KCNQ1: variants seen among roughly 807,000 people sequenced by gnomAD.
KCNQ1 encodes the protein potassium voltage-gated channel subfamily Q member 1.
KCNQ1 carries 49 observed loss-of-function variants against 72.4 expected under a neutral mutation model. The ratio of observed to expected loss-of-function variants is 0.68; its 90% confidence interval spans 0.54 to 0.86. The LOEUF is 0.86. KCNQ1 is among the 40% of genes least tolerant of loss of function. The probability of loss-of-function intolerance (pLI) is 0.00; values close to 1 mark genes in which losing one functional copy is unlikely to be tolerated. For missense variants in KCNQ1, 790 were observed against 945.1 expected, an observed-to-expected ratio of 0.84 and a Z score of 2.15; for synonymous variants, 450 against 412.6, an observed-to-expected ratio of 1.09 and a Z score of -1.10.
At chr11:2,614,391 C>T (rs886341919) in intron 10 of KCNQ1, 3 of 398,500 alleles carry the variant, frequency 7.5e-6, no homozygotes, top group Non-Finnish European at 1.3e-5. Context: ...TCAAAATGTA[C>T]AATTCAGTGT....
Position 2,488,726 on chromosome 11 carries a change from T to C in KCNQ1, c.387-39202T>C, listed in dbSNP as rs1325922679. Among the ~76,000 whole-genome samples, 2 of 152,240 alleles carry C rather than the reference T, an allele frequency of 1.3e-5. No individual in the cohort carries two copies. The highest frequency in any genetic ancestry group is 2.9e-5 in the Non-Finnish European group (2 of 68,038). On this transcript the variant is annotated intron_variant, in intron 1 of 15. Coordinates refer to ENST00000155840, the MANE Select transcript of KCNQ1 (RefSeq NM_000218.3). The surrounding 1 kb of genome is among the most constrained non-coding windows in gnomAD (Gnocchi z 5.1). The stretch of plus-strand genomic sequence containing the variant: ...CTATTTTCACTTCTGATTTCAGTAG[T>C]CTTCTCTCTTTTTTACTTAGTCCAT...
At chr11:2,831,895 C>A (rs997511262) in intron 15 of KCNQ1, among the ~76,000 whole-genome samples, 2 of 152,100 alleles carry the variant, frequency 1.3e-5, no homozygotes, top group South Asian at 2.1e-4. Context: ...CCTGACTCAG[C>A]CCCTGGCACA....
At chr11:2,585,845 C>T (rs1419804017) in intron 8 of KCNQ1, among the ~76,000 whole-genome samples, 1 of 152,202 alleles carries the variant, frequency 6.6e-6, no homozygotes, top group Non-Finnish European at 1.5e-5. Context: ...CCTGGAGCAA[C>T]AGGGGCAGGA....
chr11:2,680,813 C>T (rs1351751906), intron 11 of KCNQ1: 1 of 393,050 alleles, frequency 2.5e-6, no homozygotes, highest in Non-Finnish European at 4.5e-6. Flanking sequence ...AATGGAACCA[C>T]ATAGCAAATC....
At chr11:2,535,518 A>T (rs975349436) in intron 2 of KCNQ1, among the ~76,000 whole-genome samples, 2 of 152,300 alleles carry the variant, frequency 1.3e-5, no homozygotes, top group East Asian at 3.9e-4. Flanking sequence ...ACCACCGGAT[A>T]CAAGTCCCTC....
chr11:2,832,753 A>G (rs2134070630), intron 15 of KCNQ1, among the ~76,000 whole-genome samples: 1 of 152,314 alleles, frequency 6.6e-6, no homozygotes, highest in South Asian at 2.1e-4. Context: ...GTGAAAGGCA[A>G]GGCTGGGGCT....
At chr11:2,589,549 G>T (rs1471989745) in intron 10 of KCNQ1, among the ~76,000 whole-genome samples, 2 of 152,160 alleles carry the variant, frequency 1.3e-5, no homozygotes, top group Admixed American at 1.3e-4. Flanking sequence ...AGGCCCTAGA[G>T]GCTGGGCTCG....
chr11:2,846,503 G>C (rs893387700), intron 15 of KCNQ1, among the ~76,000 whole-genome samples: 1 of 152,190 alleles, frequency 6.6e-6, no homozygotes, highest in South Asian at 2.1e-4. Context: ...CACCAACAGA[G>C]CTGTGCGCCC....
At chr11:2,584,878 G>A (rs1289571529) in intron 7 of KCNQ1, among the ~76,000 whole-genome samples, 5 of 152,128 alleles carry the variant, frequency 3.3e-5, no homozygotes, top group Admixed American at 1.3e-4. Flanking sequence ...TCTCACTTGC[G>A]ACCCCAATCC....
At chr11:2,656,513 T>C in intron 10 of KCNQ1, 1 of 398,718 alleles carries the variant, frequency 2.5e-6, no homozygotes, top group East Asian at 3.6e-5. Context: ...TGAGTTTATT[T>C]ACATTTCCCT....
rs375440491 is a variant in KCNQ1 at position 2,574,369 on chromosome 11, T to C, written c.921+1383T>C. On this transcript the variant is annotated intron_variant, in intron 6 of 15. Coordinates refer to ENST00000155840, the MANE Select transcript of KCNQ1 (RefSeq NM_000218.3). Reference sequence around the variant, plus strand: ...TCACTCAGTCCGATAACAGGTTAGATGGAATCGTGGTAGCAACAGGGGCTG... The same window carrying C: ...TCACTCAGTCCGATAACAGGTTAGACGGAATCGTGGTAGCAACAGGGGCTG... Among the ~76,000 whole-genome samples, 17 of 145,882 alleles carry C rather than the reference T, an allele frequency of 1.2e-4. No homozygotes were observed. In the East Asian group the frequency reaches 3.5e-3, roughly 30 times the overall value.
Position 2,550,170 on chromosome 11 carries a change from G to A in KCNQ1, c.478-20458G>A, listed in dbSNP as rs1402405033. Among the ~76,000 whole-genome samples, 3 of 152,338 alleles carry A rather than the reference G, an allele frequency of 2.0e-5. No homozygotes were observed. Among genetic ancestry groups the A allele is most frequent in the African/African-American group, 2.4e-5 (1 of 41,584 alleles). On this transcript the variant is annotated intron_variant, in intron 2 of 15. Coordinates refer to ENST00000155840, the MANE Select transcript of KCNQ1 (RefSeq NM_000218.3). The surrounding 1 kb of genome is among the most constrained non-coding windows in gnomAD (Gnocchi z 6.0). Reference sequence around the variant, plus strand: ...GAGCCCCGGCCTGGATGGACATCCCGCAGGCAGTGCACGTCCCTCCCCCGC... The same window carrying A: ...GAGCCCCGGCCTGGATGGACATCCCACAGGCAGTGCACGTCCCTCCCCCGC...
At chr11:2,660,672 G>C in intron 10 of KCNQ1, 1 of 398,606 alleles carries the variant, frequency 2.5e-6, no homozygotes, top group Non-Finnish European at 4.4e-6. Context: ...TTTCATCCAT[G>C]CTTGATAGTC....
chr11:2,558,704 A>G (rs1330665765), intron 2 of KCNQ1, among the ~76,000 whole-genome samples: 4 of 151,972 alleles, frequency 2.6e-5, no homozygotes, highest in Non-Finnish European at 5.9e-5. Context: ...ACCGCCTGAA[A>G]CGTGTGTAAC....
chr11:2,672,071 T>A (rs1850193428), intron 11 of KCNQ1: 1 of 398,592 alleles, frequency 2.5e-6, no homozygotes. Context: ...CCCTGGTCCC[T>A]GGTCTGGACT....
In KCNQ1 at chr11:2,817,866, C is replaced by T; in HGVS notation, c.1795-29901C>T. ...GTATGTTAGAAACCTCTGGCACTCT[C>T]CCCTCCCCAGCCAGCACCTACCAGC... On this transcript the variant is annotated intron_variant, in intron 15 of 15. Transcript: ENST00000155840. The surrounding 1 kb of genome is among the most constrained non-coding windows in gnomAD (Gnocchi z 6.1). 6.6e-6 allele frequency among the ~76,000 whole-genome samples: 1 copy of T among 152,142 alleles called. No individual in the cohort carries two copies. Among genetic ancestry groups the T allele is most frequent in the Non-Finnish European group, 1.5e-5 (1 of 68,010 alleles).
At position 2,670,639 on chromosome 11, in the gene KCNQ1, G is replaced by A. The variant is rs1290213478; in HGVS notation, c.1514+8558G>A. 5.0e-6 allele frequency: 2 copies of A among 398,484 alleles called. No homozygotes were observed. Among genetic ancestry groups the A allele is most frequent in the East Asian group, 7.1e-5 (2 of 28,088 alleles). 24.7% of individuals were successfully genotyped at this position (398,484 alleles called of 1,614,324 possible). On this transcript the variant is annotated intron_variant, in intron 11 of 15. Coordinates refer to ENST00000155840, the MANE Select transcript of KCNQ1 (RefSeq NM_000218.3). The surrounding 1 kb of genome is among the most constrained non-coding windows in gnomAD (Gnocchi z 4.9). The stretch of plus-strand genomic sequence containing the variant: ...GGGAGCCTGGATATGCATGGCAGAG[G>A]CCAGGATGAACCCTGAAGATTGGTA...
At chr11:2,474,381 G>A (rs533495789) in intron 1 of KCNQ1, among the ~76,000 whole-genome samples, 9 of 152,302 alleles carry the variant, frequency 5.9e-5, no homozygotes, top group South Asian at 2.1e-4. Context: ...CTGATGTGCC[G>A]GTGTCCAGGC....
chr11:2,579,505 A>G lies in KCNQ1; in HGVS notation c.922-3930A>G, dbSNP rs781042511. Among the ~76,000 whole-genome samples, 3 of 152,190 alleles carry G rather than the reference A, an allele frequency of 2.0e-5. No homozygotes were observed. Among genetic ancestry groups the G allele is most frequent in the Non-Finnish European group, 2.9e-5 (2 of 68,036 alleles). On this transcript the variant is annotated intron_variant, in intron 6 of 15. Transcript: ENST00000155840. The surrounding 1 kb of genome is among the most constrained non-coding windows in gnomAD (Gnocchi z 6.0). The stretch of plus-strand genomic sequence containing the variant: ...GGGCCATCAGGGACTAATCCCCAGC[A>G]TGGTGACCATAAAACAGCCCATTCC...
Sources: allele counts gnomAD v4.1 joint callset (sites outside exome capture counted in the v4.1 genomes callset), GRCh38; gene constraint gnomAD v4.1.1; non-coding constraint Gnocchi (gnomAD v3.1); transcripts MANE v1.5; gene names NCBI Gene and HGNC (gene_info 2026-07-23, HGNC 2026-07-21).